CLNK: variants seen among roughly 807,000 people sequenced by gnomAD.
CLNK encodes cytokine dependent hematopoietic cell linker, also known as cytokine-dependent hematopoietic cell linker.
CLNK carries 74 observed loss-of-function variants against 68.6 expected under a neutral mutation model. That is an observed-to-expected ratio of 1.08 (90% CI 0.89 to 1.31). CLNK has a LOEUF of 1.31. Ranked by LOEUF, CLNK falls within the 50% of genes most tolerant of loss-of-function variation. The pLI is 0.00. For missense variants in CLNK, 553 were observed against 515.3 expected (o/e 1.07, Z -0.71); for synonymous variants, 198 against 172.2 (o/e 1.15, Z -1.17).
chr4:10,590,294 CTT>C (rs879392047), intron 3 of CLNK, among the ~76,000 whole-genome samples: 2 of 152,208 alleles, frequency 1.3e-5, no homozygotes, highest in Non-Finnish European at 2.9e-5. Flanking sequence ...CCCTCTTCCA[CTT>C]CTCTCTCCTG....
chr4:10,652,688 G>A (rs1369154851), intron 2 of CLNK, among the ~76,000 whole-genome samples: 1 of 152,138 alleles, frequency 6.6e-6, no homozygotes, highest in Non-Finnish European at 1.5e-5. Context: ...ACATGTATTT[G>A]CAAATAACTA....
At chr4:10,503,546 A>G (rs541537088) in intron 17 of CLNK, among the ~76,000 whole-genome samples, 4 of 148,518 alleles carry the variant, frequency 2.7e-5, no homozygotes, top group Non-Finnish European at 5.9e-5. Context: ...AATTCTTTAT[A>G]TAGATTTTAT....
At chr4:10,701,739 G>A in the CLNK span, among the ~76,000 whole-genome samples, 12 of 152,256 alleles carry the variant, frequency 7.9e-5, no homozygotes, top group South Asian at 1.2e-3. Context: ...ATTTATAGAC[G>A]GGAAAACTGA....
chr4:10,704,254 C>T, the CLNK span, among the ~76,000 whole-genome samples: 1 of 152,106 alleles, frequency 6.6e-6, no homozygotes, highest in African/African-American at 2.4e-5. Context: ...TAGTGGTTTC[C>T]TTTAAGCTTC....
At chr4:10,561,258 C>G (rs1719878831) in intron 7 of CLNK, among the ~76,000 whole-genome samples, 1 of 152,130 alleles carries the variant, frequency 6.6e-6, no homozygotes, top group African/African-American at 2.4e-5. Context: ...TGAGACAACT[C>G]CCCTCTGAAA....
chr4:10,518,604 A>G (rs1242692440), intron 15 of CLNK, among the ~76,000 whole-genome samples: 2 of 152,196 alleles, frequency 1.3e-5, no homozygotes, highest in Non-Finnish European at 2.9e-5. Context: ...CTCTTCCAAC[A>G]TGTCAAAATA....
At chr4:10,522,195 T>C (rs1577104326) in intron 14 of CLNK, among the ~76,000 whole-genome samples, 1 of 147,224 alleles carries the variant, frequency 6.8e-6, no homozygotes, top group South Asian at 2.2e-4. Flanking sequence ...GAGGCGGAGG[T>C]TGCAGTGAGC....
chr4:10,630,217 C>T (rs1159347881), intron 2 of CLNK, among the ~76,000 whole-genome samples: 1 of 152,180 alleles, frequency 6.6e-6, no homozygotes, highest in South Asian at 2.1e-4. Context: ...TTGTTTATTC[C>T]TGAGCCTGAT....
At chr4:10,721,723 A>G in the CLNK span, among the ~76,000 whole-genome samples, 2 of 152,248 alleles carry the variant, frequency 1.3e-5, no homozygotes, top group Non-Finnish European at 2.9e-5. Context: ...TAGGCGTTGT[A>G]CTAAGCACCA....
intron 8 of CLNK, among the ~76,000 whole-genome samples, chr4:10,555,644 A>C (rs1719640886): frequency 6.6e-6 from 1 of 152,260 alleles, no homozygotes; most frequent in African/African-American, 2.4e-5. Context: ...GTACATTAAC[A>C]TAAATCTATA....
chr4:10,500,816 G>A (rs1717009852), intron 18 of CLNK, among the ~76,000 whole-genome samples: 2 of 152,162 alleles, frequency 1.3e-5, no homozygotes, highest in Admixed American at 6.5e-5. Context: ...CTGTACTGAG[G>A]ACAGGCATGC....
At chr4:10,610,342 C>T (rs1182767559) in intron 2 of CLNK, among the ~76,000 whole-genome samples, 4 of 150,260 alleles carry the variant, frequency 2.7e-5, no homozygotes, top group African/African-American at 9.7e-5. Context: ...CCGCGCCCGG[C>T]CCGTTTTTTT....
At position 10,572,931 on chromosome 4, in the gene CLNK, C is replaced by T. The variant is rs1001137012; in HGVS notation, c.113-1153G>A. On this transcript the variant is annotated intron_variant, in intron 4 of 18. Coordinates refer to ENST00000226951, the MANE Select transcript of CLNK (RefSeq NM_052964.4). ...GCAACCTCCACCTCCTGGGTTCAAGCGATTCTCGTGCCTCAGCCTCCCGAG... is the reference window on the plus strand; with the variant it reads ...GCAACCTCCACCTCCTGGGTTCAAGTGATTCTCGTGCCTCAGCCTCCCGAG... Among the ~76,000 whole-genome samples the T allele has an allele frequency of 3.3e-5, 5 of 152,100 alleles. No homozygotes were observed. In the South Asian group the frequency reaches 6.2e-4, roughly 19 times the overall value.
chr4:10,734,814 G>A, the CLNK span, among the ~76,000 whole-genome samples: 2 of 152,174 alleles, frequency 1.3e-5, no homozygotes, highest in Non-Finnish European at 1.5e-5. Context: ...GGGACATGAA[G>A]TTGTTAACAG....
At chr4:10,519,042 G>A (rs1010074824) in intron 15 of CLNK, among the ~76,000 whole-genome samples, 1 of 152,136 alleles carries the variant, frequency 6.6e-6, no homozygotes, top group Admixed American at 6.5e-5. Context: ...CATTCTTGGG[G>A]CCCAGCCCAA....
At chr4:10,583,764 A>C (rs1720872788) in intron 4 of CLNK, among the ~76,000 whole-genome samples, 1 of 152,204 alleles carries the variant, frequency 6.6e-6, no homozygotes, top group African/African-American at 2.4e-5. Flanking sequence ...TGTCAAGGAA[A>C]CGGAGTGCCC....
intron 2 of CLNK, among the ~76,000 whole-genome samples, chr4:10,634,218 G>A (rs1398482740): frequency 6.6e-6 from 1 of 152,212 alleles, no homozygotes; most frequent in Non-Finnish European, 1.5e-5. Flanking sequence ...GTAGAGCCTA[G>A]GGGAGGAAGG....
chr4:10,652,029 G>C (rs1698050819), intron 2 of CLNK, among the ~76,000 whole-genome samples: 1 of 151,780 alleles, frequency 6.6e-6, no homozygotes, highest in Non-Finnish European at 1.5e-5. Flanking sequence ...AAAAAATAAA[G>C]TTTAGAGATA....
chr4:10,646,630 C>G (rs554432508), intron 2 of CLNK, among the ~76,000 whole-genome samples: 1 of 151,980 alleles, frequency 6.6e-6, no homozygotes, highest in Admixed American at 6.6e-5. Context: ...GCACAGAGTG[C>G]GACGTCCCAG....
Sources: gnomAD v4.1 joint callset for allele counts (sites outside exome capture counted in the v4.1 genomes callset) on GRCh38, gnomAD v4.1.1 for gene constraint, MANE v1.5 for transcripts, NCBI Gene and HGNC (gene_info 2026-07-23, HGNC 2026-07-21) for gene names.